The following MAB21L3 variants were observed in gnomAD, a reference collection of about 807,000 sequenced individuals.
MAB21L3 encodes mab-21 like 3.
Under a neutral mutation model 37.7 loss-of-function variants are expected in MAB21L3, and 36 were observed. The observed-to-expected ratio is 0.96, with a 90% CI of 0.73 to 1.26. The LOEUF (loss-of-function observed/expected upper bound fraction) is 1.26, where lower values mean the gene tolerates loss of function less well. MAB21L3 is among the 50% of genes most tolerant of loss of function. The pLI, the probability that MAB21L3 is intolerant of heterozygous loss-of-function variation, is 0.00. For missense variants in MAB21L3, 430 were observed against 447.3 expected, an observed-to-expected ratio of 0.96 and a Z score of 0.35; for synonymous variants, 186 against 176.8, an observed-to-expected ratio of 1.05 and a Z score of -0.41.
At chr1:116,125,729 A>G (rs1659890176) in intron 5 of MAB21L3, among the ~76,000 whole-genome samples, 1 of 152,256 alleles carries the variant, frequency 6.6e-6, no homozygotes, top group Non-Finnish European at 1.5e-5. Flanking sequence ...GGGTTATTTA[A>G]TTTAATCCTC....
chr1:116,133,437 G>A lies in MAB21L3; in HGVS notation c.*72G>A. The stretch of plus-strand genomic sequence containing the variant: ...ACATTGTTCTTTGGATGGTTCCTCA[G>A]TCAGGTGCCAGGATCCTGCCTAGGA... On this transcript the variant is annotated 3_prime_UTR_variant, in exon 8 of 8. Coordinates refer to ENST00000369500, the MANE Select transcript of MAB21L3 (RefSeq NM_152367.3). 7.2e-7 allele frequency: 1 copy of A among 1,397,638 alleles called. No homozygotes were observed. The highest frequency in any genetic ancestry group is 2.3e-5 in the East Asian group (1 of 42,570). The allele number at this position is 1,397,638 out of a possible 1,614,324, so 86.6% of individuals were successfully genotyped here.
In MAB21L3 at chr1:116,133,358, C is replaced by A; in HGVS notation, c.1082C>A (p.Pro361Gln). 6.2e-7 allele frequency: 1 copy of A among 1,614,028 alleles called. No homozygotes were observed. The part of the protein sequence containing the change: ...ATFLKNPQIG[P>Q]P ...TTCCTGAAGAACCCCCAGATCGGCC[C>A]GCCCTGATGGTTGCCCCGGCCTGGG... is the stretch of plus-strand genomic sequence containing the variant. The change falls in exon 8 of 8, where the codon CCG (proline) becomes CAG (glutamine). Residue 361 changes from proline (P) to glutamine (Q), a missense_variant. By Grantham distance (76) the Pro-to-Gln change is moderately conservative. Transcript: ENST00000369500.
At chr1:116,129,872 C>T (rs1408308192) in intron 7 of MAB21L3, among the ~76,000 whole-genome samples, 2 of 152,210 alleles carry the variant, frequency 1.3e-5, no homozygotes, top group African/African-American at 4.8e-5. Flanking sequence ...AATCTGTTAA[C>T]ATCTCATTCA....
chr1:116,134,962 T>C lies in MAB21L3; in HGVS notation c.*1597T>C, dbSNP rs1660170744. 6.6e-6 allele frequency: 1 copy of C among 152,178 alleles called. No homozygotes were observed. The highest frequency in any genetic ancestry group is 1.5e-5 in the Non-Finnish European group (1 of 68,024). The allele number at this position is 152,178 out of a possible 1,614,324, so 9.4% of individuals were successfully genotyped here. A position where few individuals can be genotyped will look rare whatever the true frequency, so the allele number is the denominator to read the frequency against. On this transcript the variant is annotated 3_prime_UTR_variant, in exon 8 of 8. Coordinates refer to ENST00000369500, the MANE Select transcript of MAB21L3 (RefSeq NM_152367.3). ...TCTAAAGCATGAACTACTGATTTTG[T>C]TTTCATGAAAATTCACATTTGAAAA...
intron 7 of MAB21L3, 98 bp from the exon 8 acceptor site, chr1:116,133,034 C>A: frequency 1.0e-6 from 1 of 990,616 alleles, no homozygotes; most frequent in South Asian, 1.5e-5. Flanking sequence ...CAACTCTTTT[C>A]TCCCTCCTTC....
Position 116,130,617 on chromosome 1 carries a change from C to G in MAB21L3, c.855+2278C>G, listed in dbSNP as rs146800624. Among the ~76,000 whole-genome samples the G allele has an allele frequency of 1.8e-3, 271 of 152,292 alleles. 1 individual carries two copies. The highest frequency in any genetic ancestry group is 6.2e-3 in the African/African-American group (256 of 41,562). On this transcript the variant is annotated intron_variant, in intron 7 of 7. Transcript: ENST00000369500. ...AAGTGGAAGAGGTTGGGTTGCAAAA[C>G]AGCATTAGGAAGCTGTGGCACTCAG...
intron 7 of MAB21L3, among the ~76,000 whole-genome samples, chr1:116,128,895 C>G (rs1659988286): frequency 1.3e-5 from 2 of 152,222 alleles, no homozygotes; most frequent in South Asian, 4.1e-4. Context: ...AGGCAAGGAT[C>G]TTCCCTTGCT....
intron 3 of MAB21L3, among the ~76,000 whole-genome samples, chr1:116,113,899 C>G (rs1048106326): frequency 1.3e-5 from 2 of 152,308 alleles, no homozygotes; most frequent in African/African-American, 4.8e-5. Context: ...CGCTGCCTCT[C>G]TCACGTGTGT....
intron 3 of MAB21L3, among the ~76,000 whole-genome samples, chr1:116,115,653 C>G (rs1046550414): frequency 5.3e-5 from 8 of 152,170 alleles, no homozygotes; most frequent in African/African-American, 1.7e-4. Flanking sequence ...CACTCTGTCT[C>G]CATTGCAAGG....
At chr1:116,126,762 A>G (rs1659917937) in intron 5 of MAB21L3, among the ~76,000 whole-genome samples, 2 of 152,234 alleles carry the variant, frequency 1.3e-5, no homozygotes, top group South Asian at 4.1e-4. Flanking sequence ...TCATTTTTAC[A>G]GTAGCAAATA....
intron 3 of MAB21L3, among the ~76,000 whole-genome samples, chr1:116,113,245 A>T (rs1413584385): frequency 2.6e-5 from 4 of 152,222 alleles, no homozygotes; most frequent in African/African-American, 9.6e-5. Context: ...GCATGATGTT[A>T]ATGTTAAAAC....
chr1:116,128,569 T>A (rs1047983854), intron 7 of MAB21L3, among the ~76,000 whole-genome samples: 6 of 151,894 alleles, frequency 4.0e-5, no homozygotes, highest in Non-Finnish European at 8.8e-5. Flanking sequence ...AGGGTAAAAT[T>A]TCCTCCCTCC....
At chr1:116,119,364 T>A (rs141563915) in intron 3 of MAB21L3, among the ~76,000 whole-genome samples, 38 of 152,174 alleles carry the variant, frequency 2.5e-4, no homozygotes, top group African/African-American at 8.9e-4. Flanking sequence ...ATTCTTATAC[T>A]ATGAACATAT....
chr1:116,118,804 G>A (rs1027014535), intron 3 of MAB21L3, among the ~76,000 whole-genome samples: 7 of 152,046 alleles, frequency 4.6e-5, no homozygotes, highest in African/African-American at 1.2e-4. Context: ...CCTAGCTAAC[G>A]CCTAGTAAGC....
intron 3 of MAB21L3, 96 bp downstream of exon 3, chr1:116,112,759 A>G (rs1570799665): frequency 7.8e-7 from 1 of 1,289,750 alleles, no homozygotes; most frequent in East Asian, 2.3e-5. Flanking sequence ...CTCTTTCTAA[A>G]GACACATAAA....
At chr1:116,117,168 T>C (rs537446689) in intron 3 of MAB21L3, among the ~76,000 whole-genome samples, 118 of 134,588 alleles carry the variant, frequency 8.8e-4, no homozygotes, top group African/African-American at 3.4e-3. Context: ...CATACATATA[T>C]ATATATATAT....
chr1:116,113,741 AG>A (rs1033308293), intron 3 of MAB21L3, among the ~76,000 whole-genome samples: 2 of 152,182 alleles, frequency 1.3e-5, no homozygotes, highest in African/African-American at 4.8e-5. Context: ...CTGTCTTTCC[AG>A]GGGAAAAAAA....
chr1:116,127,189 C>A (rs1232220495), intron 5 of MAB21L3, among the ~76,000 whole-genome samples: 4 of 152,108 alleles, frequency 2.6e-5, no homozygotes, highest in Non-Finnish European at 5.9e-5. Context: ...AAAGGTACCC[C>A]AAATGCCTTG....
intron 4 of MAB21L3, among the ~76,000 whole-genome samples, chr1:116,123,630 C>T (rs1369078512): frequency 6.6e-6 from 1 of 152,220 alleles, no homozygotes; most frequent in Non-Finnish European, 1.5e-5. Flanking sequence ...CCAAGCCCCT[C>T]TGCATCTTGA....
Sources: allele counts gnomAD v4.1 joint callset (sites outside exome capture counted in the v4.1 genomes callset), GRCh38; gene constraint gnomAD v4.1.1; transcripts MANE v1.5; gene names NCBI Gene and HGNC (gene_info 2026-07-23, HGNC 2026-07-21).